Variants in MMP26 observed in about 807,000 individuals in gnomAD.
MMP26 encodes matrix metalloproteinase-26.
In MMP26, 33 loss-of-function variants were observed where a neutral mutation model predicts 31.0. The observed-to-expected ratio is 1.06, with a 90% CI of 0.81 to 1.42. The LOEUF is 1.42. Among genes scored for constraint, MMP26 ranks in the 40% most tolerant of loss-of-function variants. The pLI is 0.00. For synonymous variants in MMP26, 122 were observed against 114.9 expected (o/e 1.06, Z -0.40); for missense variants, 347 against 316.1 (o/e 1.10, Z -0.74).
chr11:4,910,956 C>T (rs536249743), intron 2 of MMP26, among the ~76,000 whole-genome samples: 1 of 152,264 alleles, frequency 6.6e-6, no homozygotes, highest in African/African-American at 2.4e-5. Context: ...CAGGCAGTTC[C>T]TTTCCTCCTG....
chr11:4,964,075 T>C (rs899701457), intron 2 of MMP26, among the ~76,000 whole-genome samples: 1 of 152,104 alleles, frequency 6.6e-6, no homozygotes, highest in Non-Finnish European at 1.5e-5. Flanking sequence ...CTTTACTCTG[T>C]TGATAGTTTC....
intron 2 of MMP26, among the ~76,000 whole-genome samples, chr11:4,858,809 T>G (rs1850097990): frequency 2.0e-5 from 3 of 152,182 alleles, no homozygotes; most frequent in African/African-American, 7.2e-5. Context: ...TCATGCTACC[T>G]GACTTCAAGC....
intron 2 of MMP26, among the ~76,000 whole-genome samples, chr11:4,835,560 A>G (rs2133484144): frequency 6.6e-6 from 1 of 152,322 alleles, no homozygotes; most frequent in Admixed American, 6.5e-5. Context: ...TGGCCAGTGT[A>G]CAGGAGAGAG....
intron 1 of MMP26, among the ~76,000 whole-genome samples, chr11:4,717,616 C>G (rs1200878416): frequency 6.6e-6 from 1 of 151,134 alleles, no homozygotes; most frequent in East Asian, 1.9e-4. Context: ...AATGTGTGTA[C>G]ACTTTTTTAA....
At chr11:4,974,608 C>CA (rs1363297767) in intron 2 of MMP26, among the ~76,000 whole-genome samples, 1 of 152,022 alleles carries the variant, frequency 6.6e-6, no homozygotes, top group Admixed American at 6.6e-5. Flanking sequence ...ATTTTGTTGT[C>CA]AAAATCTACC....
rs559706568 is a variant in MMP26 at position 4,902,097 on chromosome 11, A to G, written c.-144-85971A>G. On this transcript the variant is annotated intron_variant, in intron 2 of 7. Transcript: ENST00000380390. ...CCATGACCCTTTTCGTTACACACAC[A>G]AAAGTAGCCAGTAAGAGAATCCAGT... Among the ~76,000 whole-genome samples, 9 of 152,336 alleles carry G rather than the reference A, an allele frequency of 5.9e-5. No individual in the cohort carries two copies. The South Asian group carries it at 1.0e-3, about 18-fold the overall frequency.
chr11:4,757,304 A>T (rs1310303105), intron 1 of MMP26, among the ~76,000 whole-genome samples: 1 of 152,116 alleles, frequency 6.6e-6, no homozygotes, highest in African/African-American at 2.4e-5. Flanking sequence ...TTGGATTCTT[A>T]GCAAGCACTG....
intron 1 of MMP26, chr11:4,724,036 A>C (rs1034953618): frequency 4.5e-6 from 3 of 672,874 alleles, no homozygotes; most frequent in East Asian, 2.5e-5. Flanking sequence ...GCTACCCCGG[A>C]AGCTGCTGGT....
intron 2 of MMP26, among the ~76,000 whole-genome samples, chr11:4,921,977 A>G (rs901178601): frequency 3.3e-5 from 5 of 152,080 alleles, no homozygotes; most frequent in Non-Finnish European, 5.9e-5. Flanking sequence ...CCATTAGGTA[A>G]TTTCTCATGC....
At chr11:4,981,601 C>G (rs1372528582) in intron 2 of MMP26, among the ~76,000 whole-genome samples, 1 of 151,988 alleles carries the variant, frequency 6.6e-6, no homozygotes, top group Non-Finnish European at 1.5e-5. Flanking sequence ...TGAATGTACA[C>G]TACTGTACAC....
At chr11:4,914,829 C>T in intron 2 of MMP26, 3 of 1,614,010 alleles carry the variant, frequency 1.9e-6, no homozygotes, top group Non-Finnish European at 1.7e-6. Context: ...CCCATGACCA[C>T]CTGGACCAGG....
intron 1 of MMP26, among the ~76,000 whole-genome samples, chr11:4,751,512 T>C (rs1250842409): frequency 6.6e-6 from 1 of 152,070 alleles, no homozygotes; most frequent in Non-Finnish European, 1.5e-5. Context: ...AAGTCCACCA[T>C]GAAAAAACTG....
At chr11:4,709,106 T>G (rs1472272160) in intron 1 of MMP26, among the ~76,000 whole-genome samples, 2 of 152,196 alleles carry the variant, frequency 1.3e-5, no homozygotes, top group South Asian at 2.1e-4. Context: ...TTGGGTCACA[T>G]GGACTTATAA....
intron 2 of MMP26, among the ~76,000 whole-genome samples, chr11:4,789,720 T>G (rs1848997411): frequency 6.6e-6 from 1 of 151,406 alleles, no homozygotes; most frequent in Non-Finnish European, 1.5e-5. Flanking sequence ...TTTTGTATTT[T>G]TAGTAGAGAC....
chr11:4,779,252 T>C (rs1345378934), intron 2 of MMP26, among the ~76,000 whole-genome samples: 1 of 152,086 alleles, frequency 6.6e-6, no homozygotes, highest in African/African-American at 2.4e-5. Context: ...TTTCTATTTC[T>C]GGTTTACTAA....
At position 4,989,834 on chromosome 11, in the gene MMP26, A is replaced by G. The variant is rs761242451; in HGVS notation, c.286A>G (p.Arg96Gly). 9 of 1,611,688 alleles carry G rather than the reference A, an allele frequency of 5.6e-6. No homozygotes were observed. Among genetic ancestry groups the G allele is most frequent in the Non-Finnish European group, 7.6e-6 (9 of 1,180,012 alleles). The change falls in exon 4 of 8, where the codon AGA becomes GGA. Residue 96 changes from arginine (R) to glycine (G), a missense_variant. Physicochemically the swap from Arg to Gly is moderately radical, Grantham distance 125. Transcript: ENST00000380390. The part of the protein sequence containing the change: ...DGSDTSISPG[R>G]CKWNKHTLTY... ...GTCCGACACCTCCATCTCGCCAGGA[A>G]GATGCAAGTGGAATAAGCACACTCT...
At chr11:4,940,521 A>C (rs1846192088) in intron 2 of MMP26, among the ~76,000 whole-genome samples, 1 of 152,178 alleles carries the variant, frequency 6.6e-6, no homozygotes, top group South Asian at 2.1e-4. Context: ...CTTTGCTATA[A>C]AATCAGTGAT....
chr11:4,743,697 C>T (rs899859323), intron 1 of MMP26, among the ~76,000 whole-genome samples: 1 of 152,178 alleles, frequency 6.6e-6, no homozygotes, highest in African/African-American at 2.4e-5. Context: ...ACTGCACTTC[C>T]AGGCATATGA....
chr11:4,887,622 A>C (rs546231796), intron 2 of MMP26, among the ~76,000 whole-genome samples: 2 of 152,214 alleles, frequency 1.3e-5, no homozygotes, highest in South Asian at 2.1e-4. Flanking sequence ...AATACGTCAG[A>C]TGTTTGATGT....
Sources: allele counts gnomAD v4.1 joint callset (sites outside exome capture counted in the v4.1 genomes callset), GRCh38; gene constraint gnomAD v4.1.1; transcripts MANE v1.5; gene names NCBI Gene and HGNC (gene_info 2026-07-23, HGNC 2026-07-21).